GARIN5B: variants seen among roughly 807,000 people sequenced by gnomAD.
The protein encoded by GARIN5B is Golgi-associated RAB2 interactor protein 5B.
At chr19:55,362,886 T>C in the GARIN5B span, 22 of 1,480,698 alleles carry the variant, frequency 1.5e-5, no homozygotes, top group Non-Finnish European at 2.0e-5. Context: ...CCTCTGTCCC[T>C]CTCAGCCCCG....
the GARIN5B span, chr19:55,362,680 G>A: frequency 1.9e-6 from 3 of 1,544,952 alleles, no homozygotes; most frequent in African/African-American, 1.4e-5. Context: ...CACGCCCATG[G>A]CCAGCCGGTT....
chr19:55,359,967 C>A, the GARIN5B span: 9 of 1,547,230 alleles, frequency 5.8e-6, no homozygotes, highest in African/African-American at 1.1e-4. Flanking sequence ...TCATCAGATG[C>A]AGATGTGCAG....
At chr19:55,360,750 G>C in the GARIN5B span, 2 of 1,551,756 alleles carry the variant, frequency 1.3e-6, no homozygotes, top group Non-Finnish European at 1.7e-6. Context: ...AGATGGTCCA[G>C]GTGGTGATGC....
chr19:55,361,193 T>C, the GARIN5B span: 1 of 1,551,348 alleles, frequency 6.4e-7, no homozygotes, highest in Non-Finnish European at 8.7e-7. Context: ...CCTCTGTCTC[T>C]GAGCAGCCAC....
At chr19:55,358,515 CCTTCATCTCGCCCCATGGCTG>C in the GARIN5B span, 1 of 30,202 alleles carries the variant, frequency 3.3e-5, no homozygotes, top group African/African-American at 5.7e-4. Flanking sequence ...CAGGGTGGCT[CCTTCATCTCGCCCCATGGCTG>C]CTCCTTCATC....
the GARIN5B span, chr19:55,358,746 T>C: frequency 6.5e-7 from 1 of 1,549,590 alleles, no homozygotes; most frequent in Non-Finnish European, 8.7e-7. Flanking sequence ...GGCTGCTCTT[T>C]GGAGTTGGCC....
the GARIN5B span, chr19:55,355,342 C>A: frequency 6.4e-7 from 1 of 1,550,464 alleles, no homozygotes; most frequent in Non-Finnish European, 8.7e-7. Flanking sequence ...GGGAGTGCTG[C>A]AGGCTGCAGG....
At chr19:55,356,551 C>A in the GARIN5B span, among the ~76,000 whole-genome samples, 50 of 151,968 alleles carry the variant, frequency 3.3e-4, no homozygotes, top group Non-Finnish European at 7.4e-5. Context: ...CGTGATCCAC[C>A]CTCCTCGGCC....
chr19:55,361,276 G>A, the GARIN5B span: 1 of 1,549,060 alleles, frequency 6.5e-7, no homozygotes, highest in Non-Finnish European at 8.7e-7. Flanking sequence ...AGGGACCCCA[G>A]GGGAGGGCAC....
the GARIN5B span, chr19:55,362,906 G>C: frequency 1.6e-5 from 24 of 1,496,254 alleles, no homozygotes; most frequent in South Asian, 2.4e-4. Context: ...GGGGCACTGG[G>C]AACTGGAGAC....
chr19:55,362,726 G>A, the GARIN5B span: 1 of 1,530,860 alleles, frequency 6.5e-7, no homozygotes, highest in Admixed American at 2.0e-5. Context: ...CCCCCTTGAT[G>A]GGTCACCTGG....
At chr19:55,358,525 GCCCCATGGCT>G in the GARIN5B span, 1 of 32,700 alleles carries the variant, frequency 3.1e-5, no homozygotes, top group East Asian at 2.6e-3. Context: ...CCTTCATCTC[GCCCCATGGCT>G]GCTCCTTCAT....
the GARIN5B span, among the ~76,000 whole-genome samples, chr19:55,356,064 G>A: frequency 6.6e-6 from 1 of 151,960 alleles, no homozygotes; most frequent in African/African-American, 2.4e-5. Flanking sequence ...GATAAAGGCT[G>A]CCATGAGCCA....
At chr19:55,362,413 G>A in the GARIN5B span, 11 of 1,550,528 alleles carry the variant, frequency 7.1e-6, no homozygotes, top group African/African-American at 1.5e-4. Flanking sequence ...CCAGGGCCAG[G>A]TAGTACTGGC....
chr19:55,359,956 T>G, the GARIN5B span: 1 of 1,549,310 alleles, frequency 6.5e-7, no homozygotes, highest in Non-Finnish European at 8.7e-7. Context: ...GGCCTGTGGC[T>G]TCATCAGATG....
chr19:55,360,991 C>A, the GARIN5B span: 1 of 1,550,712 alleles, frequency 6.4e-7, no homozygotes. Context: ...AACAAGACCC[C>A]ACGCCCACTT....
chr19:55,361,160 C>A, the GARIN5B span: 2 of 1,551,328 alleles, frequency 1.3e-6, no homozygotes, highest in Non-Finnish European at 1.7e-6. Flanking sequence ...GCCCACACCA[C>A]CCCGCCGGCT....
At chr19:55,362,374 C>A in the GARIN5B span, 2 of 1,550,590 alleles carry the variant, frequency 1.3e-6, no homozygotes. Flanking sequence ...AGCAGTGGAA[C>A]AGGAAGCCCA....
chr19:55,360,931 T>C, the GARIN5B span: 3 of 1,542,580 alleles, frequency 1.9e-6, no homozygotes, highest in Admixed American at 2.0e-5. Context: ...CGTGGGACTT[T>C]GGTGGCATCT....
Sources: allele counts gnomAD v4.1 joint callset (sites outside exome capture counted in the v4.1 genomes callset), GRCh38; gene constraint gnomAD v4.1.1; transcripts MANE v1.5; gene names NCBI Gene and HGNC (gene_info 2026-07-23, HGNC 2026-07-21).